Variants in SLC16A7 observed in about 807,000 individuals in gnomAD.
SLC16A7 encodes solute carrier family 16 member 7.
SLC16A7 carries 33 observed loss-of-function variants against 34.9 expected under a neutral mutation model. The ratio of observed to expected loss-of-function variants is 0.94; its 90% CI spans 0.72 to 1.26. The LOEUF (loss-of-function observed/expected upper bound fraction) is 1.26. Ranked by LOEUF, SLC16A7 falls within the 50% of genes most tolerant of loss-of-function variation. The pLI, the probability that SLC16A7 is intolerant of heterozygous loss-of-function variation, is 0.00. For missense variants in SLC16A7, 573 were observed against 578.1 expected, an observed-to-expected ratio of 0.99 and a Z score of 0.09; for synonymous variants, 201 against 206.6, an observed-to-expected ratio of 0.97 and a Z score of 0.23.
intron 3 of SLC16A7, among the ~76,000 whole-genome samples, chr12:59,732,263 A>C (rs535146368): frequency 2.2e-4 from 33 of 152,074 alleles, no homozygotes; most frequent in Middle Eastern, 3.4e-3. Flanking sequence ...CTAAAAAAAA[A>C]CACAAAATTA....
At chr12:59,657,496 A>T (rs1868595504) in intron 2 of SLC16A7, among the ~76,000 whole-genome samples, 1 of 151,964 alleles carries the variant, frequency 6.6e-6, no homozygotes, top group South Asian at 2.1e-4. Context: ...TAGATTAAAA[A>T]TACTTCACAA....
At chr12:59,759,803 CT>C (rs1430525127) in intron 3 of SLC16A7, among the ~76,000 whole-genome samples, 24 of 152,114 alleles carry the variant, frequency 1.6e-4, no homozygotes, top group African/African-American at 5.8e-4. Context: ...TAAAGGCTAT[CT>C]TTTCTGTGGA....
intron 3 of SLC16A7, among the ~76,000 whole-genome samples, chr12:59,752,573 G>C (rs2706297): frequency 0.12 from 17,663 of 150,534 alleles, 1,353 homozygotes; most frequent in African/African-American, 0.21. Flanking sequence ...TAAAAAGAAA[G>C]GAGCAAAGCC....
At chr12:59,734,410 G>A (rs2137255649) in intron 3 of SLC16A7, among the ~76,000 whole-genome samples, 1 of 152,374 alleles carries the variant, frequency 6.6e-6, no homozygotes, top group South Asian at 2.1e-4. Context: ...GAAAGGCCAG[G>A]GAGCAGGAGC....
At position 59,775,258 on chromosome 12, in the gene SLC16A7, C is replaced by A. The variant is rs150404919; in HGVS notation, c.963C>A (p.Ile321=). 6.8e-5 allele frequency: 109 copies of A among 1,614,134 alleles called. 3 individuals carry two copies. In the African/African-American group the frequency reaches 1.2e-3, roughly 18 times the overall value. ...TTCAGTACTTCTTCAGTTTTGCAAT[C>A]ATGTTCAATGGAGTGTGTCACCTCT... ...PRIQYFFSFA[I]MFNGVCHLLC... Residue 321 remains isoleucine (I), a synonymous_variant, in exon 5 of 6, where the codon ATC becomes ATA. Coordinates refer to ENST00000547379, the MANE Select transcript of SLC16A7 (RefSeq NM_001270623.2).
At chr12:59,647,268 A>G (rs537644201) in intron 1 of SLC16A7, among the ~76,000 whole-genome samples, 1 of 151,908 alleles carries the variant, frequency 6.6e-6, no homozygotes, top group African/African-American at 2.4e-5. Flanking sequence ...ATGGGAGGGG[A>G]CCTGATGGGA....
At chr12:59,599,501 G>A (rs1030216179) in intron 1 of SLC16A7, among the ~76,000 whole-genome samples, 4 of 152,132 alleles carry the variant, frequency 2.6e-5, no homozygotes, top group South Asian at 4.1e-4. Context: ...GAAAAAAAAA[G>A]AAGGAAGAAA....
intron 2 of SLC16A7, among the ~76,000 whole-genome samples, chr12:59,698,883 T>G (rs1872589566): frequency 6.6e-6 from 1 of 151,700 alleles, no homozygotes; most frequent in Admixed American, 6.6e-5. Flanking sequence ...GTGAAAATAT[T>G]TAGCAATACC....
chr12:59,703,604 T>C (rs1431061400), intron 2 of SLC16A7, among the ~76,000 whole-genome samples: 2 of 152,160 alleles, frequency 1.3e-5, no homozygotes, highest in African/African-American at 4.8e-5. Context: ...TATTTAGCTA[T>C]TTTACTTTAA....
chr12:59,760,548 A>G (rs1302790668), intron 3 of SLC16A7, among the ~76,000 whole-genome samples: 1 of 152,108 alleles, frequency 6.6e-6, no homozygotes, highest in Non-Finnish European at 1.5e-5. Context: ...AAAAAGAACA[A>G]TAATATACTT....
At chr12:59,770,534 G>A (rs907203224) in intron 3 of SLC16A7, among the ~76,000 whole-genome samples, 2 of 152,100 alleles carry the variant, frequency 1.3e-5, no homozygotes, top group Non-Finnish European at 2.9e-5. Context: ...ACTGAAATGT[G>A]ATTAAGCATT....
chr12:59,764,826 A>C (rs1369014449), intron 3 of SLC16A7, among the ~76,000 whole-genome samples: 1 of 152,300 alleles, frequency 6.6e-6, no homozygotes, highest in East Asian at 1.9e-4. Flanking sequence ...AGCATGATTT[A>C]TAATCCTTTG....
At chr12:59,760,115 C>T (rs1024658628) in intron 3 of SLC16A7, among the ~76,000 whole-genome samples, 1 of 152,004 alleles carries the variant, frequency 6.6e-6, no homozygotes, top group African/African-American at 2.4e-5. Flanking sequence ...ACAATTCAAA[C>T]TCGGCCTTGT....
chr12:59,623,711 G>A (rs1879799139), intron 1 of SLC16A7, among the ~76,000 whole-genome samples: 1 of 151,570 alleles, frequency 6.6e-6, no homozygotes, highest in Non-Finnish European at 1.5e-5. Flanking sequence ...TGTATGCAAA[G>A]AGAATTTTGT....
intron 3 of SLC16A7, chr12:59,764,145 T>C (rs1192429748): frequency 6.6e-6 from 1 of 152,130 alleles, no homozygotes; most frequent in East Asian, 1.9e-4. Flanking sequence ...AGCACTAAGG[T>C]TAGCCAAGTT....
chr12:59,641,593 T>C (rs990644664), intron 1 of SLC16A7, among the ~76,000 whole-genome samples: 1 of 152,008 alleles, frequency 6.6e-6, no homozygotes, highest in African/African-American at 2.4e-5. Flanking sequence ...GGAAACAAAA[T>C]TAGTCCGTTG....
intron 2 of SLC16A7, among the ~76,000 whole-genome samples, chr12:59,686,101 T>C (rs902568024): frequency 1.4e-4 from 21 of 148,822 alleles, no homozygotes; most frequent in South Asian, 8.4e-4. Flanking sequence ...TTTTCTTTTT[T>C]TTTTTTTTTT....
chr12:59,665,451 G>A (rs928422010), intron 2 of SLC16A7, among the ~76,000 whole-genome samples: 1 of 151,376 alleles, frequency 6.6e-6, no homozygotes, highest in Non-Finnish European at 1.5e-5. Context: ...AAAAAAAATA[G>A]TAAAAATTAA....
At chr12:59,604,727 G>A (rs1422949243) in intron 1 of SLC16A7, among the ~76,000 whole-genome samples, 1 of 152,210 alleles carries the variant, frequency 6.6e-6, no homozygotes, top group Non-Finnish European at 1.5e-5. Flanking sequence ...TACACATCTT[G>A]TCATTGGAAG....
Sources: allele counts gnomAD v4.1 joint callset (sites outside exome capture counted in the v4.1 genomes callset), GRCh38; gene constraint gnomAD v4.1.1; transcripts MANE v1.5; gene names NCBI Gene and HGNC (gene_info 2026-07-23, HGNC 2026-07-21).